The following CACNA1A variants were observed in gnomAD, a reference collection of about 807,000 sequenced individuals.
CACNA1A encodes the protein calcium voltage-gated channel subunit alpha1 A, also known as voltage-dependent P/Q-type calcium channel subunit alpha-1A.
CACNA1A carries 57 observed loss-of-function variants against 262.4 expected under a neutral mutation model. The ratio of observed to expected loss-of-function variants is 0.22; its 90% CI spans 0.18 to 0.27. CACNA1A has a LOEUF of 0.27. Among genes scored for constraint, CACNA1A ranks in the 10% least tolerant of loss-of-function variants. The pLI, the probability that CACNA1A is intolerant of heterozygous loss-of-function variation, is 1.00. For missense variants in CACNA1A, 2,526 were observed against 3,562.8 expected, an observed-to-expected ratio of 0.71 and a Z score of 7.41; for synonymous variants, 1,431 against 1,419.3, an observed-to-expected ratio of 1.01 and a Z score of -0.18.
intron 1 of CACNA1A, among the ~76,000 whole-genome samples, chr19:13,499,362 G>C (rs1424764201): frequency 6.9e-6 from 1 of 145,906 alleles, no homozygotes; most frequent in African/African-American, 2.6e-5. Flanking sequence ...CTTCCAGAGA[G>C]AACGGAGAAT....
At chr19:13,227,378 GAAGAAA>G (rs1393741754) in intron 37 of CACNA1A, 47 bp downstream of exon 37, 1 of 799,336 alleles carries the variant, frequency 1.3e-6, no homozygotes, top group Non-Finnish European at 2.1e-6. Flanking sequence ...AGAAGAAGAA[GAAGAAA>G]AAAAAACCCA....
At chr19:13,394,891 C>T (rs2059782981) in intron 3 of CACNA1A, among the ~76,000 whole-genome samples, 1 of 152,112 alleles carries the variant, frequency 6.6e-6, no homozygotes, top group African/African-American at 2.4e-5. Context: ...AGAAACCAGA[C>T]CTCTTTTCCC....
intron 1 of CACNA1A, among the ~76,000 whole-genome samples, chr19:13,471,652 A>G (rs544343584): frequency 1.3e-5 from 2 of 152,352 alleles, no homozygotes; most frequent in African/African-American, 4.8e-5. Context: ...GCATTATGCT[A>G]AGTGAAAGAA....
In CACNA1A at chr19:13,464,738, C is replaced by T. The variant is rs186821472; in HGVS notation, c.294-9526G>A. On this transcript the variant is annotated intron_variant, in intron 1 of 46. Transcript: ENST00000360228. ...TAATTTTTAGTATTTTTAGTAGAGA[C>T]GGGGTTTCACCGTGTTAGCCAGGGT... Among the ~76,000 whole-genome samples, 403 of 150,816 alleles carry T rather than the reference C, an allele frequency of 2.7e-3. 1 individual carries two copies. The highest frequency in any genetic ancestry group is 0.017 in the Middle Eastern group (5 of 290).
intron 31 of CACNA1A, among the ~76,000 whole-genome samples, chr19:13,239,587 G>A (rs2056000314): frequency 6.6e-6 from 1 of 152,192 alleles, no homozygotes; most frequent in South Asian, 2.1e-4. Flanking sequence ...TGCCAGCAGG[G>A]AAGGGATGAT....
Position 13,299,149 on chromosome 19 carries a change from C to G in CACNA1A, c.2484G>C (p.Gln828His), listed in dbSNP as rs1349704493. 6.2e-7 allele frequency: 1 copy of G among 1,613,202 alleles called. No homozygotes were observed. The highest frequency in any genetic ancestry group is 8.5e-7 in the Non-Finnish European group (1 of 1,179,874). The change falls in exon 19 of 47, where the codon CAG becomes CAC. Residue 828 changes from glutamine (Q) to histidine (H), a missense_variant. This residue lies in a region of CACNA1A where 765 missense variants were observed against 748.6 expected (regional missense o/e 1.02). Coordinates refer to ENST00000360228, the MANE Select transcript of CACNA1A (RefSeq NM_001127222.2). ...HLDRPLVVDP[Q>H]ENRNNNTNKS... is the part of the protein sequence containing the mutation. ...TGTTGGTGTTGTTGTTGCGGTTCTC[C>G]TGCGGGTCCACCACCAGCGGCCGGT... is the stretch of plus-strand genomic sequence containing the variant.
At chr19:13,379,147 T>G (rs1262936770) in intron 3 of CACNA1A, among the ~76,000 whole-genome samples, 2 of 151,872 alleles carry the variant, frequency 1.3e-5, no homozygotes, top group Non-Finnish European at 2.9e-5. Context: ...TACCCAGCTA[T>G]TTTTAAAAAG....
chr19:13,367,641 T>A lies in CACNA1A; in HGVS notation c.632-2172A>T, dbSNP rs184885240. On this transcript the variant is annotated intron_variant, in intron 4 of 46. Transcript: ENST00000360228. ...TACTCGGGAGGCTGAGGCAGGAGAATGGTGTGAACCCGGGAGGTGGAGCTT... is the reference window on the plus strand; with the variant it reads ...TACTCGGGAGGCTGAGGCAGGAGAAAGGTGTGAACCCGGGAGGTGGAGCTT... Among the ~76,000 whole-genome samples, 1,460 of 152,146 alleles carry A rather than the reference T, an allele frequency of 9.6e-3. 21 individuals carry two copies. Among genetic ancestry groups the A allele is most frequent in the African/African-American group, 0.033 (1,363 of 41,518 alleles).
chr19:13,293,569 C>T (rs945359435), intron 19 of CACNA1A, among the ~76,000 whole-genome samples: 1 of 150,214 alleles, frequency 6.7e-6, no homozygotes, highest in African/African-American at 2.4e-5. Flanking sequence ...ACCTCAGCCT[C>T]CCGAGTAGCT....
intron 3 of CACNA1A, among the ~76,000 whole-genome samples, chr19:13,393,592 TCTTCCC>T (rs2059750778): frequency 9.8e-6 from 1 of 101,606 alleles, no homozygotes; most frequent in South Asian, 4.3e-4. Flanking sequence ...TTCCTCCTCC[TCTTCCC>T]TCCCTATTTT....
chr19:13,244,305 G>T (rs2056168712), intron 31 of CACNA1A: 1 of 152,284 alleles, frequency 6.6e-6, no homozygotes, highest in Non-Finnish European at 1.5e-5. Context: ...TCTCTTACGA[G>T]CTGAGACCAA....
intron 24 of CACNA1A, among the ~76,000 whole-genome samples, chr19:13,264,286 C>T (rs1294197120): frequency 6.6e-6 from 1 of 152,138 alleles, no homozygotes; most frequent in African/African-American, 2.4e-5. Flanking sequence ...GCCCTCTATC[C>T]CCATCCCCAT....
rs1568687469 is a variant in CACNA1A at position 13,478,732 on chromosome 19, A to T, written c.294-23520T>A. ...TCAACAGAAATGCCAATCAACAGGT[A>T]AATGGATAAACAAACTGTGGTTATT... On this transcript the variant is annotated intron_variant, in intron 1 of 46. Coordinates refer to ENST00000360228, the MANE Select transcript of CACNA1A (RefSeq NM_001127222.2). Among the ~76,000 whole-genome samples the T allele has an allele frequency of 2.6e-5, 4 of 152,272 alleles. No homozygotes were observed. The South Asian group carries it at 8.3e-4, about 31-fold the overall frequency.
At chr19:13,423,576 A>G (rs184601719) in intron 3 of CACNA1A, among the ~76,000 whole-genome samples, 21 of 152,058 alleles carry the variant, frequency 1.4e-4, no homozygotes, top group African/African-American at 4.3e-4. Flanking sequence ...CAGTGGTGCA[A>G]TCTTGGCTCA....
intron 44 of CACNA1A, among the ~76,000 whole-genome samples, 157 bp from the exon 45 acceptor site, chr19:13,209,655 C>T (rs1352275817): frequency 2.6e-5 from 4 of 152,162 alleles, no homozygotes; most frequent in Non-Finnish European, 5.9e-5. Context: ...GGCCTTGGCT[C>T]CCCCTGATCA....
At chr19:13,250,820 T>G (rs2056376013) in intron 30 of CACNA1A, among the ~76,000 whole-genome samples, 1 of 152,192 alleles carries the variant, frequency 6.6e-6, no homozygotes, top group Non-Finnish European at 1.5e-5. Context: ...TTACCTTTTG[T>G]AATAAAATAG....
At chr19:13,391,675 T>C (rs944392722) in intron 3 of CACNA1A, among the ~76,000 whole-genome samples, 4 of 151,906 alleles carry the variant, frequency 2.6e-5, no homozygotes, top group African/African-American at 7.3e-5. Flanking sequence ...GACAGGAGGA[T>C]TGCTTGAGTC....
At position 13,308,003 on chromosome 19, in the gene CACNA1A, G is replaced by T; in HGVS notation, c.1913+117C>A. ...GGTACCCAGGGCCCTGCCCATTTGG[G>T]TGACCGCAATGGGTGTCTGGGCTAC... On this transcript the variant is annotated intron_variant, in intron 14 of 46. Transcript: ENST00000360228. This position sits in a 1 kb window ranked among gnomAD's most constrained non-coding sequence, Gnocchi z 4.2. The T allele has an allele frequency of 6.9e-7, 1 of 1,456,410 alleles. No homozygotes were observed. Among genetic ancestry groups the T allele is most frequent in the Non-Finnish European group, 9.5e-7 (1 of 1,057,162 alleles). 90.2% of individuals were successfully genotyped at this position (1,456,410 alleles called of 1,614,324 possible).
At chr19:13,246,688 C>T (rs573164870) in intron 30 of CACNA1A, among the ~76,000 whole-genome samples, 3 of 152,050 alleles carry the variant, frequency 2.0e-5, no homozygotes, top group South Asian at 2.1e-4. Context: ...TGCAGTGGCA[C>T]GTTCTCGGCT....
Sources: allele counts gnomAD v4.1 joint callset (sites outside exome capture counted in the v4.1 genomes callset), GRCh38; gene constraint gnomAD v4.1.1; regional missense constraint gnomAD v4.1.1; non-coding constraint Gnocchi (gnomAD v3.1); transcripts MANE v1.5; gene names NCBI Gene and HGNC (gene_info 2026-07-23, HGNC 2026-07-21).